Variants in TRIQK observed in about 807,000 individuals in gnomAD.
The protein encoded by TRIQK is triple QxxK/R motif-containing protein.
Under a neutral mutation model 10.8 loss-of-function variants are expected in TRIQK, and 10 were observed. The observed-to-expected ratio is 0.92, with a 90% CI of 0.57 to 1.57. The LOEUF (loss-of-function observed/expected upper bound fraction) is 1.57. Ranked by LOEUF, TRIQK falls within the 40% of genes most tolerant of loss-of-function variation. TRIQK has a pLI of 0.00. For synonymous variants in TRIQK, 33 were observed against 33.7 expected, an observed-to-expected ratio of 0.98 and a Z score of 0.07; for missense variants, 107 against 97.7, an observed-to-expected ratio of 1.09 and a Z score of -0.40.
At chr8:92,919,198 A>G (rs1810039800) in intron 2 of TRIQK, among the ~76,000 whole-genome samples, 2 of 151,832 alleles carry the variant, frequency 1.3e-5, no homozygotes, top group African/African-American at 4.8e-5. Flanking sequence ...TGCTTCAGCT[A>G]TTGGGGATCT....
intron 1 of TRIQK, among the ~76,000 whole-genome samples, chr8:93,015,443 T>A (rs890045271): frequency 1.3e-5 from 2 of 150,518 alleles, no homozygotes; most frequent in African/African-American, 4.9e-5. Context: ...ACTCAGAAAG[T>A]TAAAAAAGCA....
intron 2 of TRIQK, among the ~76,000 whole-genome samples, chr8:92,942,353 T>C (rs1051874880): frequency 1.3e-5 from 2 of 152,156 alleles, no homozygotes; most frequent in Non-Finnish European, 2.9e-5. Flanking sequence ...CATCCCCTCA[T>C]GATAAAAACT....
At position 93,000,048 on chromosome 8, in the gene TRIQK, G is replaced by A. The variant is rs974464671; in HGVS notation, c.-181+17561C>T. ...TGGTCTCTATATTTACTCATTCTCC[G>A]TGATCTAAACACTATTAAACAATTT... is the stretch of plus-strand genomic sequence containing the variant. On this transcript the variant is annotated intron_variant, in intron 1 of 4. Coordinates refer to the TRIQK transcript ENST00000520686. 5.9e-5 allele frequency among the ~76,000 whole-genome samples: 9 copies of A among 151,594 alleles called. No individual in the cohort carries two copies. In the South Asian group the frequency reaches 6.3e-4, roughly 11 times the overall value.
intron 2 of TRIQK, among the ~76,000 whole-genome samples, chr8:92,939,281 C>T (rs1050486910): frequency 2.6e-5 from 4 of 152,138 alleles, no homozygotes; most frequent in African/African-American, 7.2e-5. Flanking sequence ...ATTATGAAGA[C>T]GTGCCATTCT....
intron 3 of TRIQK, among the ~76,000 whole-genome samples, chr8:92,908,170 T>C (rs1009605526): frequency 6.6e-6 from 1 of 152,170 alleles, no homozygotes; most frequent in African/African-American, 2.4e-5. Flanking sequence ...TTGCCCTTTG[T>C]TGATATTGCT....
chr8:92,992,510 A>C (rs1813105709), intron 1 of TRIQK, among the ~76,000 whole-genome samples: 1 of 152,206 alleles, frequency 6.6e-6, no homozygotes, highest in Admixed American at 6.5e-5. Flanking sequence ...CACTGATTCA[A>C]GTAGGGGTCT....
At chr8:92,911,926 C>T (rs927679724) in intron 3 of TRIQK, among the ~76,000 whole-genome samples, 47 of 146,626 alleles carry the variant, frequency 3.2e-4, no homozygotes, top group African/African-American at 1.0e-3. Flanking sequence ...TATATATGCA[C>T]CCAACATCAA....
At chr8:92,886,787 C>A in intron 4 of TRIQK, 52 bp from the exon 5 acceptor site, 1 of 989,798 alleles carries the variant, frequency 1.0e-6, no homozygotes, top group East Asian at 2.6e-5. Context: ...GATTGGTTAA[C>A]ATTATTAGTT....
intron 3 of TRIQK, among the ~76,000 whole-genome samples, chr8:92,894,357 T>C (rs1428153621): frequency 6.6e-6 from 1 of 152,008 alleles, no homozygotes; most frequent in Non-Finnish European, 1.5e-5. Context: ...AACATTTAAA[T>C]ATTTATGGCT....
intron 2 of TRIQK, among the ~76,000 whole-genome samples, chr8:92,947,356 G>A (rs1811597330): frequency 6.6e-6 from 1 of 151,458 alleles, no homozygotes; most frequent in Non-Finnish European, 1.5e-5. Context: ...GCTGAGGTGA[G>A]TGGATCACCT....
intron 1 of TRIQK, among the ~76,000 whole-genome samples, chr8:93,000,101 C>A (rs1813193377): frequency 6.6e-6 from 1 of 152,014 alleles, no homozygotes; most frequent in African/African-American, 2.4e-5. Context: ...TTCAAAGTAT[C>A]AAAATTTGCA....
At chr8:92,899,685 T>G (rs1808814951) in intron 3 of TRIQK, among the ~76,000 whole-genome samples, 1 of 152,220 alleles carries the variant, frequency 6.6e-6, no homozygotes, top group Non-Finnish European at 1.5e-5. Context: ...GAATCTTGGC[T>G]ACTGTGAATA....
chr8:92,970,200 G>A (rs575621485), upstream of TRIQK, among the ~76,000 whole-genome samples: 61 of 152,234 alleles, frequency 4.0e-4, 1 homozygote, highest in Non-Finnish European at 2.9e-5. Context: ...TCATTGATGG[G>A]CATTTGGGTT....
At chr8:93,010,456 G>A (rs946828655) in intron 1 of TRIQK, among the ~76,000 whole-genome samples, 3 of 151,634 alleles carry the variant, frequency 2.0e-5, no homozygotes, top group Non-Finnish European at 4.4e-5. Context: ...TTCAATACAT[G>A]TTTAAAAGAA....
upstream of TRIQK, among the ~76,000 whole-genome samples, chr8:92,966,398 A>T (rs1297894554): frequency 6.6e-6 from 1 of 151,686 alleles, no homozygotes; most frequent in African/African-American, 2.4e-5. Context: ...CTCCCATCTC[A>T]CACACACACA....
intron 1 of TRIQK, among the ~76,000 whole-genome samples, chr8:93,017,321 A>G (rs770915003): frequency 6.6e-6 from 1 of 152,214 alleles, no homozygotes; most frequent in African/African-American, 2.4e-5. Flanking sequence ...CAAGCAAAAT[A>G]GCATCTGGAG....
At chr8:92,909,154 T>C (rs1230269168) in intron 3 of TRIQK, among the ~76,000 whole-genome samples, 2 of 151,924 alleles carry the variant, frequency 1.3e-5, no homozygotes, top group African/African-American at 4.8e-5. Context: ...AAAACTCTAG[T>C]AACTATGTCA....
Position 92,883,546 on chromosome 8 carries a change from T to C in TRIQK, c.*3076A>G, listed in dbSNP as rs1340308318. ...AATGCCGAGTTGATTGATATTGTGA[T>C]TTTTAAGTTTTATTGATTAAATTCA... On this transcript the variant is annotated 3_prime_UTR_variant, in exon 5 of 5. Coordinates refer to ENST00000521988, the MANE Select transcript of TRIQK (RefSeq NM_001171797.2). 1.3e-5 allele frequency: 2 copies of C among 151,734 alleles called. No individual in the cohort carries two copies. Among genetic ancestry groups the C allele is most frequent in the Non-Finnish European group, 2.9e-5 (2 of 67,820 alleles). The allele number at this position is 151,734 out of a possible 1,614,324, so 9.4% of individuals were successfully genotyped here. A position where few individuals can be genotyped will look rare whatever the true frequency, so the allele number is the denominator to read the frequency against.
chr8:92,886,920 A>T, intron 4 of TRIQK, 185 bp from the exon 5 acceptor site: 1 of 404,106 alleles, frequency 2.5e-6, no homozygotes. Context: ...GCAAGTCCCA[A>T]TGAAATGGCA....
Sources: gnomAD v4.1 joint callset for allele counts (sites outside exome capture counted in the v4.1 genomes callset) on GRCh38, gnomAD v4.1.1 for gene constraint, MANE v1.5 for transcripts, NCBI Gene and HGNC (gene_info 2026-07-23, HGNC 2026-07-21) for gene names.